Variants in THSD4 observed in about 807,000 individuals in gnomAD.
The protein encoded by THSD4 is thrombospondin type-1 domain-containing protein 4.
In THSD4, 69 loss-of-function variants were observed where a neutral mutation model predicts 119.0. That is an observed-to-expected ratio of 0.58 (90% confidence interval 0.48 to 0.71). The LOEUF (loss-of-function observed/expected upper bound fraction) is 0.71, where lower values mean the gene tolerates loss of function less well. THSD4 is among the 30% of genes least tolerant of loss of function. The probability of loss-of-function intolerance (pLI) is 0.00; values close to 1 mark genes in which losing one functional copy is unlikely to be tolerated. For missense variants in THSD4, 1,393 were observed against 1,391.1 expected (o/e 1.00, Z -0.02); for synonymous variants, 524 against 540.4 (o/e 0.97, Z 0.42).
intron 6 of THSD4, among the ~76,000 whole-genome samples, chr15:71,326,693 A>T (rs2045345598): frequency 2.0e-5 from 1 of 50,506 alleles, no homozygotes; most frequent in Non-Finnish European, 3.8e-5. Context: ...AAAAAAAAAA[A>T]AAAAAAAATA....
At chr15:71,555,435 T>C (rs1356508141) in intron 7 of THSD4, among the ~76,000 whole-genome samples, 1 of 152,252 alleles carries the variant, frequency 6.6e-6, no homozygotes, top group East Asian at 1.9e-4. Flanking sequence ...TGTATACATA[T>C]CATTCACGTT....
At chr15:71,227,582 T>C (rs149210616) in intron 4 of THSD4, among the ~76,000 whole-genome samples, 35 of 152,360 alleles carry the variant, frequency 2.3e-4, no homozygotes, top group Non-Finnish European at 4.3e-4. Flanking sequence ...CAGGACCTAC[T>C]ATGTGCCACA....
At chr15:71,238,656 T>C (rs1266791525) in intron 4 of THSD4, among the ~76,000 whole-genome samples, 1 of 152,260 alleles carries the variant, frequency 6.6e-6, no homozygotes, top group Non-Finnish European at 1.5e-5. Context: ...TAATCCACTC[T>C]GTGGGTATAC....
intron 8 of THSD4, among the ~76,000 whole-genome samples, chr15:71,711,062 T>A (rs2052502013): frequency 7.1e-6 from 1 of 141,238 alleles, no homozygotes; most frequent in Non-Finnish European, 1.5e-5. Context: ...TGCATGATTA[T>A]TGAAAGCAAA....
At chr15:71,649,696 G>A (rs2051044479) in intron 7 of THSD4, among the ~76,000 whole-genome samples, 1 of 152,156 alleles carries the variant, frequency 6.6e-6, no homozygotes, top group African/African-American at 2.4e-5. Context: ...TGTCCAGAAT[G>A]GTGTTACATA....
intron 7 of THSD4, among the ~76,000 whole-genome samples, chr15:71,577,737 T>TATTTTATTTTATTTTATTTTATTTC (rs58028304): frequency 2.0e-4 from 30 of 150,658 alleles, no homozygotes; most frequent in African/African-American, 6.3e-4. Context: ...TATTTTATTT[T>TATTTTATTTTATTTTATTTTATTTC]TGAGACGGAG....
At chr15:71,587,787 TAA>T (rs1207231444) in intron 7 of THSD4, among the ~76,000 whole-genome samples, 4 of 105,554 alleles carry the variant, frequency 3.8e-5, no homozygotes, top group African/African-American at 1.1e-4. Flanking sequence ...AAAAAAAAAT[TAA>T]AAAAAAAAAA....
intron 14 of THSD4, among the ~76,000 whole-genome samples, chr15:71,752,361 A>G (rs1280574134): frequency 6.6e-6 from 1 of 152,238 alleles, no homozygotes; most frequent in Non-Finnish European, 1.5e-5. Context: ...TTCTTGCCGA[A>G]TCTAGCTTGG....
intron 10 of THSD4, 56 bp downstream of exon 10, chr15:71,731,273 T>C: frequency 3.3e-6 from 5 of 1,526,636 alleles, no homozygotes; most frequent in Non-Finnish European, 4.5e-6. Context: ...TAAAGCCTTC[T>C]CTCTCTCAAT....
chr15:71,274,447 G>T (rs1056390600), intron 6 of THSD4, among the ~76,000 whole-genome samples: 1 of 152,154 alleles, frequency 6.6e-6, no homozygotes, highest in African/African-American at 2.4e-5. Context: ...GTTGACCAGT[G>T]TGTATTTACA....
chr15:71,731,298 C>A, intron 10 of THSD4, 81 bp downstream of exon 10: 1 of 1,362,466 alleles, frequency 7.3e-7, no homozygotes, highest in Non-Finnish European at 1.0e-6. Flanking sequence ...GTGCATCCAC[C>A]CTCTGTCTCT....
chr15:71,506,092 C>T (rs2048181783), intron 7 of THSD4, among the ~76,000 whole-genome samples: 1 of 152,148 alleles, frequency 6.6e-6, no homozygotes, highest in Non-Finnish European at 1.5e-5. Flanking sequence ...GATCGTGCAC[C>T]TTCTGTGTTC....
At position 71,782,471 on chromosome 15, in the gene THSD4, G is replaced by A. The variant is rs1288809625; in HGVS notation, c.*5097G>A. On this transcript the variant is annotated 3_prime_UTR_variant, in exon 18 of 18. Coordinates refer to ENST00000261862, the MANE Select transcript of THSD4 (RefSeq NM_024817.3). ...AATACAAGATGTTTATAGGAAATAT[G>A]TATTCTGAACTCTATCTGCAGAATG... 6.6e-6 allele frequency: 1 copy of A among 152,156 alleles called. No individual in the cohort carries two copies. The highest frequency in any genetic ancestry group is 1.5e-5 in the Non-Finnish European group (1 of 68,024). 9.4% of individuals were successfully genotyped at this position (152,156 alleles called of 1,614,324 possible).
intron 6 of THSD4, among the ~76,000 whole-genome samples, chr15:71,343,598 T>A (rs997946504): frequency 1.3e-5 from 2 of 152,146 alleles, no homozygotes; most frequent in Non-Finnish European, 2.9e-5. Context: ...GTCTTTGTCT[T>A]CAAGTGACCT....
intron 8 of THSD4, among the ~76,000 whole-genome samples, chr15:71,677,823 G>C (rs75125772): frequency 0.032 from 4,833 of 152,198 alleles, 114 homozygotes; most frequent in Non-Finnish European, 0.047. Flanking sequence ...TAATTGTATC[G>C]TCTGTCTCAG....
chr15:71,510,550 G>C (rs2048265282), intron 7 of THSD4, among the ~76,000 whole-genome samples: 1 of 152,188 alleles, frequency 6.6e-6, no homozygotes, highest in Non-Finnish European at 1.5e-5. Flanking sequence ...GTCCTTGCTT[G>C]GTTAGGACGT....
intron 6 of THSD4, among the ~76,000 whole-genome samples, chr15:71,337,869 G>A (rs990360180): frequency 6.6e-6 from 1 of 152,086 alleles, no homozygotes; most frequent in African/African-American, 2.4e-5. Context: ...AGGTCAAATG[G>A]GGCTCTCATT....
At chr15:71,359,724 C>T (rs193021342) in intron 6 of THSD4, among the ~76,000 whole-genome samples, 12 of 152,246 alleles carry the variant, frequency 7.9e-5, no homozygotes, top group African/African-American at 2.4e-4. Flanking sequence ...GTGAAAGGAT[C>T]GCTTGGGCCT....
chr15:71,598,539 A>G (rs985593925), intron 7 of THSD4, among the ~76,000 whole-genome samples: 1 of 152,104 alleles, frequency 6.6e-6, no homozygotes, highest in Non-Finnish European at 1.5e-5. Context: ...ATTCCCTGCT[A>G]CACTCTCTTT....
Sources: gnomAD v4.1 joint callset for allele counts (sites outside exome capture counted in the v4.1 genomes callset) on GRCh38, gnomAD v4.1.1 for gene constraint, MANE v1.5 for transcripts, NCBI Gene and HGNC (gene_info 2026-07-23, HGNC 2026-07-21) for gene names.